Variants in NRP1 observed in about 807,000 individuals in gnomAD.
NRP1 encodes the protein neuropilin-1.
In NRP1, 35 loss-of-function variants were observed where a neutral mutation model predicts 106.7. That is an observed-to-expected ratio of 0.33 (90% CI 0.25 to 0.43). The LOEUF is 0.43. Ranked by LOEUF, NRP1 falls within the 20% of genes least tolerant of loss-of-function variation. The probability of loss-of-function intolerance (pLI) is 1.00; values close to 1 mark genes in which losing one functional copy is unlikely to be tolerated. For missense variants in NRP1, 1,024 were observed against 1,170.4 expected (o/e 0.87, Z 1.83); for synonymous variants, 437 against 417.9 (o/e 1.05, Z -0.56).
intron 12 of NRP1, among the ~76,000 whole-genome samples, chr10:33,196,726 CA>C (rs1836813616): frequency 6.6e-6 from 1 of 152,162 alleles, no homozygotes; most frequent in Non-Finnish European, 1.5e-5. Flanking sequence ...TCAACAGTGA[CA>C]GCGTCCTTTA....
At chr10:33,307,500 T>G (rs1170601667) in intron 2 of NRP1, among the ~76,000 whole-genome samples, 1 of 152,170 alleles carries the variant, frequency 6.6e-6, no homozygotes, top group African/African-American at 2.4e-5. Context: ...AAAAATCAAT[T>G]TCTTTGAAAA....
intron 4 of NRP1, 32 bp from the exon 5 acceptor site, chr10:33,256,503 A>G: frequency 1.9e-6 from 3 of 1,605,942 alleles, no homozygotes; most frequent in Non-Finnish European, 2.6e-6. Flanking sequence ...CGATGTCAAA[A>G]TGTCTTTTCT....
At chr10:33,191,628 A>G (rs143531313) in intron 13 of NRP1, among the ~76,000 whole-genome samples, 345 of 152,296 alleles carry the variant, frequency 2.3e-3, no homozygotes, top group Non-Finnish European at 3.1e-3. Context: ...TCATTCTACT[A>G]TTTCTTTTCC....
intron 9 of NRP1, chr10:33,211,800 C>G (rs1316587530): frequency 6.6e-6 from 1 of 152,220 alleles, no homozygotes; most frequent in Middle Eastern, 3.2e-3. Context: ...ATATTCCCTT[C>G]AATAAGCTAA....
intron 16 of NRP1, 95 bp downstream of exon 16, chr10:33,182,603 C>A (rs560828572): frequency 1.2e-6 from 1 of 825,172 alleles, no homozygotes; most frequent in South Asian, 1.5e-5. Flanking sequence ...AACTTTTTGA[C>A]ATACCAGTGT....
chr10:33,200,164 A>G (rs1481064538), intron 11 of NRP1, among the ~76,000 whole-genome samples: 1 of 152,216 alleles, frequency 6.6e-6, no homozygotes, highest in Non-Finnish European at 1.5e-5. Context: ...TATAGGAGAA[A>G]GATTCAAGGT....
intron 13 of NRP1, 128 bp downstream of exon 13, chr10:33,192,153 A>T: frequency 1.1e-6 from 1 of 919,016 alleles, no homozygotes; most frequent in South Asian, 1.8e-5. Context: ...AAATAATAGC[A>T]CATGTGAACG....
intron 2 of NRP1, among the ~76,000 whole-genome samples, chr10:33,322,352 T>C (rs1399091028): frequency 6.6e-6 from 1 of 152,220 alleles, no homozygotes. Context: ...CATTCCTAAG[T>C]TAAGGCAAGT....
At chr10:33,226,976 T>A (rs1480864223) in intron 6 of NRP1, among the ~76,000 whole-genome samples, 1 of 152,180 alleles carries the variant, frequency 6.6e-6, no homozygotes, top group Non-Finnish European at 1.5e-5. Flanking sequence ...TGAGGTTCTG[T>A]GTCACAAGCC....
chr10:33,191,362 C>G (rs575415834), intron 13 of NRP1, among the ~76,000 whole-genome samples: 1 of 152,254 alleles, frequency 6.6e-6, no homozygotes, highest in East Asian at 1.9e-4. Flanking sequence ...GAGGTTTCTA[C>G]CTGCTCAAAG....
At chr10:33,320,013 C>A (rs1418054499) in intron 2 of NRP1, among the ~76,000 whole-genome samples, 1 of 151,638 alleles carries the variant, frequency 6.6e-6, no homozygotes, top group Non-Finnish European at 1.5e-5. Flanking sequence ...GCGGGGCATG[C>A]GTAAAAGCCT....
At chr10:33,310,182 C>T (rs1006232241) in intron 2 of NRP1, among the ~76,000 whole-genome samples, 35 of 151,380 alleles carry the variant, frequency 2.3e-4, no homozygotes, top group Non-Finnish European at 4.3e-4. Flanking sequence ...ATCTCCTGAC[C>T]TCATGATCTG....
chr10:33,301,235 C>T (rs1026622556), intron 2 of NRP1, among the ~76,000 whole-genome samples: 2 of 152,178 alleles, frequency 1.3e-5, no homozygotes, highest in Non-Finnish European at 2.9e-5. Context: ...ACAGCCTGTT[C>T]GCTTGGCTCC....
chr10:33,306,320 G>A (rs1846159747), intron 2 of NRP1, among the ~76,000 whole-genome samples: 1 of 151,320 alleles, frequency 6.6e-6, no homozygotes, highest in South Asian at 2.1e-4. Flanking sequence ...TAGTGTTTAC[G>A]AAGGCAGCTG....
chr10:33,215,576 T>G (rs1005230503), intron 8 of NRP1, among the ~76,000 whole-genome samples: 17 of 152,180 alleles, frequency 1.1e-4, no homozygotes, highest in African/African-American at 3.9e-4. Flanking sequence ...ATCAAGAACA[T>G]GTGCAAGAAT....
chr10:33,202,840 T>G (rs1285438895), intron 11 of NRP1, 51 bp downstream of exon 11: 8 of 1,614,078 alleles, frequency 5.0e-6, no homozygotes, highest in African/African-American at 1.3e-5. Context: ...TGGTCCCAAC[T>G]AAGACATGAA....
intron 10 of NRP1, chr10:33,206,143 A>G: frequency 2.0e-6 from 1 of 501,376 alleles, no homozygotes; most frequent in Non-Finnish European, 4.0e-6. Context: ...TCAATTCTCC[A>G]TTCACTCCAC....
chr10:33,251,225 G>A (rs183063866), intron 6 of NRP1, among the ~76,000 whole-genome samples: 14 of 152,184 alleles, frequency 9.2e-5, no homozygotes, highest in East Asian at 5.8e-4. Context: ...TTCACCTGCC[G>A]CCATGTAAGA....
intron 10 of NRP1, among the ~76,000 whole-genome samples, chr10:33,206,896 G>A (rs1012766627): frequency 5.9e-5 from 9 of 152,162 alleles, no homozygotes; most frequent in Non-Finnish European, 1.0e-4. Flanking sequence ...TGATATGACC[G>A]TCATATAATA....
Sources: allele counts gnomAD v4.1 joint callset (sites outside exome capture counted in the v4.1 genomes callset), GRCh38; gene constraint gnomAD v4.1.1; transcripts MANE v1.5; gene names NCBI Gene and HGNC (gene_info 2026-07-23, HGNC 2026-07-21).